The following NHLRC2 variants were observed in gnomAD, a reference collection of about 807,000 sequenced individuals.
The protein encoded by NHLRC2 is NHL repeat containing 2.
NHLRC2 carries 33 observed loss-of-function variants against 68.1 expected under a neutral mutation model. That is an observed-to-expected ratio of 0.48 (90% CI 0.37 to 0.65). The LOEUF is 0.65. Ranked by LOEUF, NHLRC2 falls within the 30% of genes least tolerant of loss-of-function variation. The pLI is 0.00. For synonymous variants in NHLRC2, 311 were observed against 309.6 expected (o/e 1.00, Z -0.05); for missense variants, 761 against 853.8 (o/e 0.89, Z 1.35).
chr10:113,865,289 C>A (rs575453035), intron 2 of NHLRC2, among the ~76,000 whole-genome samples: 1 of 139,846 alleles, frequency 7.2e-6, no homozygotes, highest in Non-Finnish European at 1.6e-5. Context: ...CATCCCCCCC[C>A]CCCGTTCCTC....
rs375201644 is a variant in NHLRC2, at chr10:113,855,476, GT to G, written c.178+435del. Among the ~76,000 whole-genome samples, 355 of 149,282 alleles carry G rather than the reference GT, an allele frequency of 2.4e-3. 1 individual carries two copies. Among genetic ancestry groups the G allele is most frequent in the African/African-American group, 8.0e-3 (324 of 40,638 alleles). On this transcript the variant is annotated intron_variant, in intron 1 of 10. Coordinates refer to ENST00000369301, the MANE Select transcript of NHLRC2 (RefSeq NM_198514.4). ...TGTATCACACACAGGGTTTTTTTTTGTTTTTTTTTGATACGGAGTCTCGCTC... is the reference window on the plus strand; with the variant it reads ...TGTATCACACACAGGGTTTTTTTTTGTTTTTTTTGATACGGAGTCTCGCTC...
intron 10 of NHLRC2, 47 bp downstream of exon 10, chr10:113,905,083 G>A: frequency 1.1e-6 from 1 of 939,356 alleles, no homozygotes. Context: ...TATTCTTGAT[G>A]TTTAATCTAG....
At chr10:113,881,801 G>A (rs989298456) in intron 4 of NHLRC2, among the ~76,000 whole-genome samples, 3 of 151,686 alleles carry the variant, frequency 2.0e-5, no homozygotes, top group African/African-American at 7.2e-5. Flanking sequence ...ACCATACGTT[G>A]TTTTTAAAAC....
chr10:113,875,650 T>G (rs1183874751), intron 2 of NHLRC2, among the ~76,000 whole-genome samples: 1 of 152,196 alleles, frequency 6.6e-6, no homozygotes, highest in Non-Finnish European at 1.5e-5. Context: ...ATCTATCTGG[T>G]CGGGTTTACT....
Position 113,878,574 on chromosome 10 carries a change from C to A in NHLRC2, c.788-1000C>A, listed in dbSNP as rs58242496. On this transcript the variant is annotated intron_variant, in intron 3 of 10. Coordinates refer to ENST00000369301, the MANE Select transcript of NHLRC2 (RefSeq NM_198514.4). ...ATGGAGTCTCACTCTGTTGCCCAGG[C>A]TGGAGTGCAGTGGCATGATCTCAGC... 5.4e-3 allele frequency among the ~76,000 whole-genome samples: 827 copies of A among 152,192 alleles called. 8 individuals carry two copies. The highest frequency in any genetic ancestry group is 0.018 in the African/African-American group (748 of 41,508).
chr10:113,855,497 T>G (rs1845740821), intron 1 of NHLRC2, among the ~76,000 whole-genome samples: 1 of 152,078 alleles, frequency 6.6e-6, no homozygotes, highest in Admixed American at 6.6e-5. Context: ...ATACGGAGTC[T>G]CGCTCTGTCT....
chr10:113,905,699 A>G (rs1178159148), intron 10 of NHLRC2, among the ~76,000 whole-genome samples: 1 of 151,114 alleles, frequency 6.6e-6, no homozygotes, highest in Non-Finnish European at 1.5e-5. Context: ...TTCCTTCCCA[A>G]CTCCTCCTCC....
At chr10:113,893,812 C>A (rs186038937) in intron 5 of NHLRC2, among the ~76,000 whole-genome samples, 140 of 152,326 alleles carry the variant, frequency 9.2e-4, no homozygotes, top group Admixed American at 3.9e-3. Context: ...TATGCACCAA[C>A]ATAGCTCTCC....
intron 4 of NHLRC2, 94 bp downstream of exon 4, chr10:113,879,789 AT>A (rs1846020744): frequency 2.7e-6 from 2 of 743,466 alleles, no homozygotes; most frequent in Non-Finnish European, 4.2e-6. Flanking sequence ...CGTGATTCTT[AT>A]GTATGTCAAT....
chr10:113,878,279 TC>T (rs1846003510), intron 3 of NHLRC2, among the ~76,000 whole-genome samples: 1 of 152,166 alleles, frequency 6.6e-6, no homozygotes, highest in Admixed American at 6.5e-5. Flanking sequence ...CCCTTTTTTT[TC>T]AGGGAACTCT....
In NHLRC2 at chr10:113,911,903, CTG is replaced by C. The variant is rs1846333182; in HGVS notation, c.*3369_*3370del. ...TTTTTTTTTCTTTTCAGTGAGCAAT[CTG>C]TTATTTTTAAAATCACGGTGGGGGG... is the stretch of plus-strand genomic sequence containing the variant. On this transcript the variant is annotated 3_prime_UTR_variant, in exon 11 of 11. Coordinates refer to ENST00000369301, the MANE Select transcript of NHLRC2 (RefSeq NM_198514.4). 6.6e-6 allele frequency: 1 copy of C among 150,952 alleles called. No homozygotes were observed. The highest frequency in any genetic ancestry group is 1.5e-5 in the Non-Finnish European group (1 of 67,734). 9.4% of individuals were successfully genotyped at this position (150,952 alleles called of 1,614,324 possible). A position where few individuals can be genotyped will look rare whatever the true frequency, so the allele number is the denominator to read the frequency against.
intron 4 of NHLRC2, among the ~76,000 whole-genome samples, chr10:113,880,854 C>T (rs1426681893): frequency 6.6e-6 from 1 of 151,796 alleles, no homozygotes; most frequent in African/African-American, 2.4e-5. Context: ...AAAAGTGTTA[C>T]ATGAAAAACA....
intron 9 of NHLRC2, among the ~76,000 whole-genome samples, 193 bp from the exon 10 acceptor site, chr10:113,904,624 C>T (rs1001112504): frequency 5.9e-5 from 9 of 152,116 alleles, no homozygotes; most frequent in East Asian, 1.9e-4. Context: ...TTGTTGTTGT[C>T]GCTAAGATAA....
At position 113,902,333 on chromosome 10, in the gene NHLRC2, C is replaced by T. The variant is rs190925622; in HGVS notation, c.1372-138C>T. On this transcript the variant is annotated intron_variant, in intron 7 of 10. Transcript: ENST00000369301. ...TTCTAATCTGAATGAAGTATCCAAC[C>T]CTATTTATATGAAAATCAGCATTTT... The T allele has an allele frequency of 1.8e-3, 1,137 of 615,360 alleles. 10 individuals carry two copies. Among genetic ancestry groups the T allele is most frequent in the African/African-American group, 0.018 (949 of 53,224 alleles). 38.1% of individuals were successfully genotyped at this position (615,360 alleles called of 1,614,324 possible). A position where few individuals can be genotyped will look rare whatever the true frequency, so the allele number is the denominator to read the frequency against.
Position 113,854,896 on chromosome 10 carries a change from C to G in NHLRC2, c.24C>G (p.Gly8=). ...ACATGGCGGCGCCCGGAGGCCGGGGCCGCAGCCTCTCCGGCCTGCTCCCCG... is the reference window on the plus strand; with the variant it reads ...ACATGGCGGCGCCCGGAGGCCGGGGGCGCAGCCTCTCCGGCCTGCTCCCCG... MAAPGGR[G]RSLSGLLPAQ... The change falls in exon 1 of 11, where the codon GGC becomes GGG. Residue 8 remains glycine, a synonymous_variant. Transcript: ENST00000369301. 6.5e-7 allele frequency: 1 copy of G among 1,549,246 alleles called. No individual in the cohort carries two copies. Among genetic ancestry groups the G allele is most frequent in the Non-Finnish European group, 8.7e-7 (1 of 1,146,416 alleles).
In NHLRC2 at chr10:113,898,785, A is replaced by G. The variant is rs1846202852; in HGVS notation, c.1139+576A>G. ...AGGTTGAATCCTGGCTCTGCCATTTACTATCTGTGTGAGTTTAGGAGAGCC... is the reference window on the plus strand; with the variant it reads ...AGGTTGAATCCTGGCTCTGCCATTTGCTATCTGTGTGAGTTTAGGAGAGCC... On this transcript the variant is annotated intron_variant, in intron 6 of 10. Transcript: ENST00000369301. 2.6e-5 allele frequency among the ~76,000 whole-genome samples: 4 copies of G among 152,280 alleles called. No individual in the cohort carries two copies. The South Asian group carries it at 6.2e-4, about 24-fold the overall frequency.
chr10:113,883,245 T>G (rs1156303298), intron 4 of NHLRC2, among the ~76,000 whole-genome samples: 1 of 151,906 alleles, frequency 6.6e-6, no homozygotes, highest in Non-Finnish European at 1.5e-5. Flanking sequence ...AAAAACAAAT[T>G]CCCTTTTGAT....
In NHLRC2 at chr10:113,914,289, C is replaced by T. The variant is rs970726561; in HGVS notation, c.*5753C>T. 2 of 152,374 alleles carry T rather than the reference C, an allele frequency of 1.3e-5. No homozygotes were observed. The highest frequency in any genetic ancestry group is 6.5e-5 in the Admixed American group (1 of 15,282). 9.4% of individuals were successfully genotyped at this position (152,374 alleles called of 1,614,324 possible). A position where few individuals can be genotyped will look rare whatever the true frequency, so the allele number is the denominator to read the frequency against. ...TCAAGCAATTCTCCTGCCTCAGCCT[C>T]CTGAGTAGCTGGGATTACAGGCGTC... On this transcript the variant is annotated 3_prime_UTR_variant, in exon 11 of 11. Coordinates refer to ENST00000369301, the MANE Select transcript of NHLRC2 (RefSeq NM_198514.4).
At chr10:113,858,230 C>T (rs1845779891) in intron 1 of NHLRC2, among the ~76,000 whole-genome samples, 1 of 151,914 alleles carries the variant, frequency 6.6e-6, no homozygotes, top group Non-Finnish European at 1.5e-5. Flanking sequence ...TTTCTTTCTT[C>T]CCTTTTTGGG....
Sources: gnomAD v4.1 joint callset for allele counts (sites outside exome capture counted in the v4.1 genomes callset) on GRCh38, gnomAD v4.1.1 for gene constraint, MANE v1.5 for transcripts, NCBI Gene and HGNC (gene_info 2026-07-23, HGNC 2026-07-21) for gene names.